Variants in OSBPL10 observed in about 807,000 individuals in gnomAD.
OSBPL10 encodes oxysterol binding protein like 10, also known as oxysterol-binding protein-related protein 10.
A neutral mutation model predicts 81.7 loss-of-function variants in OSBPL10; 49 were observed. The ratio of observed to expected loss-of-function variants is 0.60; its 90% CI spans 0.48 to 0.76. OSBPL10 has a LOEUF of 0.76. Among genes scored for constraint, OSBPL10 ranks in the 30% least tolerant of loss-of-function variants. The probability of loss-of-function intolerance (pLI) is 0.00; values close to 1 mark genes in which losing one functional copy is unlikely to be tolerated. For missense variants in OSBPL10, 923 were observed against 987.8 expected (o/e 0.93, Z 0.88); for synonymous variants, 419 against 383.6 (o/e 1.09, Z -1.08).
chr3:31,923,032 A>C (rs1696963143), intron 1 of OSBPL10, among the ~76,000 whole-genome samples: 1 of 152,210 alleles, frequency 6.6e-6, no homozygotes, highest in Admixed American at 6.5e-5. Context: ...GATGAAAGAA[A>C]ACGCTCATCT....
chr3:31,835,240 C>T (rs1029793014), intron 3 of OSBPL10, among the ~76,000 whole-genome samples: 13 of 152,098 alleles, frequency 8.5e-5, no homozygotes, highest in Admixed American at 7.9e-4. Context: ...TTCAGAAACC[C>T]ACCTGTTAGA....
intron 2 of OSBPL10, among the ~76,000 whole-genome samples, chr3:32,013,424 C>T (rs923698014): frequency 6.6e-6 from 1 of 152,106 alleles, no homozygotes; most frequent in Non-Finnish European, 1.5e-5. Context: ...ATACCAGAAT[C>T]TCTGGGACAC....
In OSBPL10 at chr3:31,903,024, C is replaced by T. The variant is rs78436534; in HGVS notation, c.282-23194G>A. Among the ~76,000 whole-genome samples the T allele has an allele frequency of 2.2e-4, 34 of 152,236 alleles. No homozygotes were observed. The East Asian group carries it at 5.4e-3, about 24-fold the overall frequency. On this transcript the variant is annotated intron_variant, in intron 1 of 11. Transcript: ENST00000396556. ...TTTTCTGACATTGCCAGTCCCATGC[C>T]CTTCCTTCCTCCTTCATCCCTGCTA... is the stretch of plus-strand genomic sequence containing the variant.
At chr3:31,847,550 T>TA (rs1700664231) in intron 3 of OSBPL10, among the ~76,000 whole-genome samples, 1 of 152,096 alleles carries the variant, frequency 6.6e-6, no homozygotes, top group East Asian at 1.9e-4. Flanking sequence ...GTCCTTTCCT[T>TA]AAACTATTCA....
intron 4 of OSBPL10, among the ~76,000 whole-genome samples, chr3:31,752,390 A>G (rs1384191484): frequency 6.6e-6 from 1 of 152,218 alleles, no homozygotes; most frequent in Non-Finnish European, 1.5e-5. Context: ...GGGCACAAAA[A>G]CAGAGCCCCA....
intron 5 of OSBPL10, among the ~76,000 whole-genome samples, chr3:31,739,778 G>A (rs1190136347): frequency 6.6e-6 from 1 of 152,172 alleles, no homozygotes; most frequent in African/African-American, 2.4e-5. Context: ...AAGCCACCCA[G>A]TCTACAGTGT....
chr3:31,775,755 T>C (rs1187714949), intron 4 of OSBPL10, among the ~76,000 whole-genome samples: 1 of 151,910 alleles, frequency 6.6e-6, no homozygotes, highest in South Asian at 2.1e-4. Flanking sequence ...GTAAGAGTAA[T>C]CTGGAATGAC....
Position 31,976,937 on chromosome 3 carries a change from T to C in OSBPL10, c.281+3962A>G, listed in dbSNP as rs535922969. On this transcript the variant is annotated intron_variant, in intron 1 of 11. Transcript: ENST00000396556. ...CCTTAGATATTTAAATAACAATTTC[T>C]AGATCCAATTAGAAATTATTTCCTC... Among the ~76,000 whole-genome samples, 5 of 152,360 alleles carry C rather than the reference T, an allele frequency of 3.3e-5. No individual in the cohort carries two copies. In the East Asian group the frequency reaches 9.6e-4, roughly 29 times the overall value.
At chr3:31,881,023 C>T (rs946418973) in intron 1 of OSBPL10, among the ~76,000 whole-genome samples, 1 of 152,184 alleles carries the variant, frequency 6.6e-6, no homozygotes, top group South Asian at 2.1e-4. Context: ...GAATGCTACT[C>T]CCCCTGCCTG....
intron 3 of OSBPL10, among the ~76,000 whole-genome samples, chr3:31,833,693 G>GCACACA (rs751246163): frequency 1.5e-5 from 2 of 132,876 alleles, no homozygotes; most frequent in African/African-American, 3.1e-5. Context: ...GGGAAAACAC[G>GCACACA]CACACGCACA....
intron 1 of OSBPL10, among the ~76,000 whole-genome samples, chr3:31,934,643 G>A (rs1166096895): frequency 6.6e-6 from 1 of 151,454 alleles, no homozygotes; most frequent in Non-Finnish European, 1.5e-5. Context: ...CTGACCTCAG[G>A]TGATCCACCC....
intron 9 of OSBPL10, 33 bp downstream of exon 9, chr3:31,670,764 G>A (rs1700303002): frequency 6.3e-7 from 1 of 1,586,194 alleles, no homozygotes; most frequent in African/African-American, 1.3e-5. Context: ...ATCTTGTTAA[G>A]ACAAAGCCAG....
chr3:31,784,294 G>A (rs982291494), intron 4 of OSBPL10, among the ~76,000 whole-genome samples: 9 of 151,752 alleles, frequency 5.9e-5, no homozygotes, highest in South Asian at 2.1e-4. Context: ...CTCAGGAGGC[G>A]GAGGTTGCAG....
intron 1 of OSBPL10, among the ~76,000 whole-genome samples, chr3:31,910,716 T>C (rs988088085): frequency 2.0e-5 from 3 of 152,106 alleles, no homozygotes; most frequent in Admixed American, 6.5e-5. Flanking sequence ...TCTTGGCAAA[T>C]GGAATGTATG....
intron 7 of OSBPL10, among the ~76,000 whole-genome samples, chr3:31,684,976 T>C (rs560850066): frequency 3.9e-5 from 6 of 152,254 alleles, no homozygotes; most frequent in African/African-American, 1.4e-4. Flanking sequence ...CAGAGACTCC[T>C]CATTGATCCA....
At position 31,833,443 on chromosome 3, in the gene OSBPL10, A is replaced by T. The variant is rs140580681; in HGVS notation, c.538-3212T>A. On this transcript the variant is annotated intron_variant, in intron 3 of 11. Transcript: ENST00000396556. ...GTTTAAATTAGATTATGCATATACAATACTTAGCACAGTGCCTGACATGCA... is the reference window on the plus strand; with the variant it reads ...GTTTAAATTAGATTATGCATATACATTACTTAGCACAGTGCCTGACATGCA... 3.3e-5 allele frequency among the ~76,000 whole-genome samples: 5 copies of T among 152,322 alleles called. No individual in the cohort carries two copies. In the East Asian group the frequency reaches 9.6e-4, roughly 29 times the overall value.
intron 4 of OSBPL10, among the ~76,000 whole-genome samples, chr3:31,778,335 T>C (rs1257812627): frequency 6.6e-6 from 1 of 152,136 alleles, no homozygotes. Context: ...TCCTCCACAG[T>C]GGCCGTGGCA....
intron 3 of OSBPL10, among the ~76,000 whole-genome samples, chr3:31,859,629 G>T (rs1047856949): frequency 6.6e-6 from 1 of 152,170 alleles, no homozygotes; most frequent in Admixed American, 6.5e-5. Context: ...GGATGCCACA[G>T]CAAGAAGGTC....
At chr3:31,726,272 T>G (rs1226304334) in intron 6 of OSBPL10, among the ~76,000 whole-genome samples, 2 of 152,154 alleles carry the variant, frequency 1.3e-5, no homozygotes, top group South Asian at 2.1e-4. Context: ...GGGAGTGTAC[T>G]AAGGGGCTTC....
Sources: gnomAD v4.1 joint callset for allele counts (sites outside exome capture counted in the v4.1 genomes callset) on GRCh38, gnomAD v4.1.1 for gene constraint, MANE v1.5 for transcripts, NCBI Gene and HGNC (gene_info 2026-07-23, HGNC 2026-07-21) for gene names.